PLCG2: variants seen among roughly 807,000 people sequenced by gnomAD.
PLCG2 encodes the protein 1-phosphatidylinositol 4,5-bisphosphate phosphodiesterase gamma-2.
In PLCG2, 69 loss-of-function variants were observed where a neutral mutation model predicts 175.6. That is an observed-to-expected ratio of 0.39 (90% CI 0.32 to 0.48). PLCG2 has a LOEUF of 0.48. Ranked by LOEUF, PLCG2 falls within the 20% of genes least tolerant of loss-of-function variation. The pLI is 0.91. For synonymous variants in PLCG2, 827 were observed against 624.0 expected (o/e 1.33, Z -4.85); for missense variants, 1,798 against 1,650.9 (o/e 1.09, Z -1.54).
chr16:81,867,699 T>C (rs933889991), intron 5 of PLCG2, among the ~76,000 whole-genome samples: 8 of 151,922 alleles, frequency 5.3e-5, no homozygotes, highest in Non-Finnish European at 1.2e-4. Flanking sequence ...TTCCCTCCCT[T>C]TTCTTTTTTA....
At chr16:81,847,298 T>C (rs926760250) in intron 2 of PLCG2, among the ~76,000 whole-genome samples, 19 of 152,218 alleles carry the variant, frequency 1.2e-4, no homozygotes, top group African/African-American at 3.9e-4. Flanking sequence ...TCCATGTGTT[T>C]AGCAACCAAG....
At chr16:81,856,488 A>G (rs1005281353) in intron 3 of PLCG2, among the ~76,000 whole-genome samples, 2 of 152,172 alleles carry the variant, frequency 1.3e-5, no homozygotes, top group African/African-American at 2.4e-5. Context: ...TTAGCAAGCC[A>G]TACTCTCCTG....
chr16:81,787,624 G>A (rs1262157913), intron 2 of PLCG2, among the ~76,000 whole-genome samples: 1 of 151,078 alleles, frequency 6.6e-6, no homozygotes, highest in African/African-American at 2.4e-5. Flanking sequence ...TGTATAGTGT[G>A]GTGGTTTTAG....
intron 31 of PLCG2, among the ~76,000 whole-genome samples, chr16:81,947,837 G>A (rs180779653): frequency 6.6e-6 from 1 of 152,242 alleles, no homozygotes; most frequent in East Asian, 1.9e-4. Flanking sequence ...AAGAAAGGTG[G>A]GGGAGTTGAA....
chr16:81,825,803 G>C (rs1203964064), intron 2 of PLCG2, among the ~76,000 whole-genome samples: 1 of 152,142 alleles, frequency 6.6e-6, no homozygotes, highest in Non-Finnish European at 1.5e-5. Flanking sequence ...GACTCTGCTT[G>C]TCACCAGATT....
At chr16:81,807,280 C>T (rs145967895) in intron 2 of PLCG2, among the ~76,000 whole-genome samples, 168 of 152,256 alleles carry the variant, frequency 1.1e-3, no homozygotes, top group African/African-American at 4.0e-3. Flanking sequence ...GGCAGGGTGC[C>T]TTGGTAACCC....
At chr16:81,779,773 T>A (rs1266715478) in intron 1 of PLCG2, among the ~76,000 whole-genome samples, 5 of 151,842 alleles carry the variant, frequency 3.3e-5, no homozygotes, top group Admixed American at 3.3e-4. Context: ...CTGCGTGGGG[T>A]GGCGCCGTCT....
chr16:81,821,144 G>A (rs1268853361), intron 2 of PLCG2, among the ~76,000 whole-genome samples: 3 of 152,154 alleles, frequency 2.0e-5, no homozygotes, highest in East Asian at 1.9e-4. Context: ...TGCCCGCCTC[G>A]GCCTCCCAAA....
intron 2 of PLCG2, among the ~76,000 whole-genome samples, chr16:81,816,920 T>A (rs1904578433): frequency 6.6e-6 from 1 of 152,154 alleles, no homozygotes; most frequent in Non-Finnish European, 1.5e-5. Flanking sequence ...CGGTTCTGCC[T>A]CTTTCTAGCT....
In PLCG2 at chr16:81,931,642, G is replaced by A; in HGVS notation, c.2727G>A (p.Lys909=). The stretch of plus-strand genomic sequence containing the variant: ...AGAGCATCCGAGAGATCACCTGGAA[G>A]ATTGACACCAAGGTAGGCACCTGCT... ...WFQSIREITW[K]IDTKENNMKY... The change falls in exon 25 of 33, where the codon AAG becomes AAA. Residue 909 remains lysine (K), a synonymous_variant. Transcript: ENST00000564138. The A allele has an allele frequency of 6.2e-7, 1 of 1,613,858 alleles. No homozygotes were observed. Among genetic ancestry groups the A allele is most frequent in the Non-Finnish European group, 8.5e-7 (1 of 1,179,808 alleles).
At chr16:81,750,407 AGTGAGAC>A (rs1909784698) in intron 1 of PLCG2, among the ~76,000 whole-genome samples, 1 of 124,178 alleles carries the variant, frequency 8.1e-6, no homozygotes, top group Non-Finnish European at 1.6e-5. Context: ...GTGGTGATAG[AGTGAGAC>A]TCTGTCTCAA....
At chr16:81,777,957 C>T (rs568105404), upstream of PLCG2, among the ~76,000 whole-genome samples, 77 of 142,060 alleles carry the variant, frequency 5.4e-4, no homozygotes, top group African/African-American at 1.9e-3. Flanking sequence ...GTGGAGGTTG[C>T]AGTGAGCCGA....
intron 22 of PLCG2, 114 bp downstream of exon 22, chr16:81,923,708 T>A (rs1910148757): frequency 1.6e-6 from 1 of 624,804 alleles, no homozygotes; most frequent in East Asian, 2.8e-5. Context: ...TGGGCTGGCT[T>A]TGACCTCTTG....
At chr16:81,942,075 G>A (rs4078270) in intron 30 of PLCG2, among the ~76,000 whole-genome samples, 1 of 152,002 alleles carries the variant, frequency 6.6e-6, no homozygotes, top group South Asian at 2.1e-4. Flanking sequence ...TAGCCTTGAC[G>A]CTGTAACAGA....
chr16:81,838,941 C>A (rs1486838717), intron 2 of PLCG2, among the ~76,000 whole-genome samples: 5 of 151,958 alleles, frequency 3.3e-5, no homozygotes, highest in Non-Finnish European at 7.4e-5. Context: ...ACCACTCTGA[C>A]CCCATCAGTG....
intron 2 of PLCG2, among the ~76,000 whole-genome samples, chr16:81,824,586 C>T (rs981162741): frequency 3.9e-5 from 6 of 152,208 alleles, no homozygotes; most frequent in East Asian, 3.8e-4. Context: ...CCATGTTCCT[C>T]GTGTGCCACA....
intron 29 of PLCG2, among the ~76,000 whole-genome samples, chr16:81,939,629 G>A (rs1378104991): frequency 2.0e-5 from 3 of 152,034 alleles, no homozygotes; most frequent in Non-Finnish European, 2.9e-5. Context: ...CCGTTCCCTT[G>A]TCCCTGATCC....
chr16:81,953,661 G>A (rs1051913689), intron 31 of PLCG2, among the ~76,000 whole-genome samples: 1 of 152,142 alleles, frequency 6.6e-6, no homozygotes, highest in Admixed American at 6.5e-5. Context: ...ATCACAAAAT[G>A]CTTTCTCTTG....
intron 2 of PLCG2, among the ~76,000 whole-genome samples, chr16:81,762,341 G>A (rs924221261): frequency 1.3e-5 from 2 of 152,066 alleles, no homozygotes; most frequent in African/African-American, 4.8e-5. Flanking sequence ...GGTCAAGGTA[G>A]GCGGATCACC....
Sources: allele counts gnomAD v4.1 joint callset (sites outside exome capture counted in the v4.1 genomes callset), GRCh38; gene constraint gnomAD v4.1.1; transcripts MANE v1.5; gene names NCBI Gene and HGNC (gene_info 2026-07-23, HGNC 2026-07-21).